CNTNAP3B: variants seen among roughly 807,000 people sequenced by gnomAD.
CNTNAP3B encodes contactin-associated protein-like 3B.
CNTNAP3B carries 25 observed loss-of-function variants against 108.9 expected under a neutral mutation model. The observed-to-expected ratio is 0.23, with a 90% CI of 0.17 to 0.32. The LOEUF (loss-of-function observed/expected upper bound fraction) is 0.32, where lower values mean the gene tolerates loss of function less well. Ranked by LOEUF, CNTNAP3B falls within the 10% of genes least tolerant of loss-of-function variation. The pLI is 1.00. For missense variants in CNTNAP3B, 252 were observed against 1,210.4 expected (o/e 0.21, Z 11.75); for synonymous variants, 103 against 473.4 (o/e 0.22, Z 10.16).
intron 9 of CNTNAP3B, among the ~76,000 whole-genome samples, chr9:41,977,641 G>A (rs1294940713): frequency 1.0e-4 from 13 of 126,870 alleles, no homozygotes; most frequent in Admixed American, 3.2e-4. Flanking sequence ...TTTTTGAGAC[G>A]GCGTCTCACT....
chr9:41,930,366 G>A (rs1823942640), intron 14 of CNTNAP3B, among the ~76,000 whole-genome samples: 3 of 152,288 alleles, frequency 2.0e-5, no homozygotes, highest in African/African-American at 7.2e-5. Context: ...AACATAGTGA[G>A]GCCCCGTCTC....
At chr9:42,103,461 C>T (rs1375711553) in intron 2 of CNTNAP3B, among the ~76,000 whole-genome samples, 6 of 117,256 alleles carry the variant, frequency 5.1e-5, no homozygotes, top group South Asian at 2.7e-4. Context: ...TACAGGCTCA[C>T]GCCTATAATC....
intron 18 of CNTNAP3B, among the ~76,000 whole-genome samples, chr9:41,915,652 C>T (rs1823496339): frequency 7.0e-6 from 1 of 142,370 alleles, no homozygotes; most frequent in Non-Finnish European, 1.5e-5. Flanking sequence ...CCTTCTATTC[C>T]TAGTTTATTG....
At chr9:41,934,198 T>TATATATACAC (rs1418666527) in intron 14 of CNTNAP3B, among the ~76,000 whole-genome samples, 1 of 116,682 alleles carries the variant, frequency 8.6e-6, no homozygotes, top group African/African-American at 2.9e-5. Flanking sequence ...CATATATATA[T>TATATATACAC]ACATACACAC....
intron 2 of CNTNAP3B, among the ~76,000 whole-genome samples, chr9:42,096,016 G>A (rs1827891287): frequency 7.2e-6 from 1 of 138,594 alleles, no homozygotes; most frequent in South Asian, 2.3e-4. Flanking sequence ...CAGACCTCAG[G>A]CAGGAACATG....
rs772673750 is a variant in CNTNAP3B, at chr9:41,953,155, C to T, written c.2080+28G>A. 3.0e-4 allele frequency: 456 copies of T among 1,506,576 alleles called. 1 individual carries two copies. In the Middle Eastern group the frequency reaches 4.5e-3, roughly 15 times the overall value. The allele number at this position is 1,506,576 out of a possible 1,614,324, so 93.3% of individuals were successfully genotyped here. A position where few individuals can be genotyped will look rare whatever the true frequency, so the allele number is the denominator to read the frequency against. On this transcript the variant is annotated intron_variant, in intron 13 of 23. Transcript: ENST00000377561. ...AGGGCCGCGCCCCGGCCTCGTGAGCCCCTGTAGCCTCCAGCAGTGGCGCTT... is the reference window on the plus strand; with the variant it reads ...AGGGCCGCGCCCCGGCCTCGTGAGCTCCTGTAGCCTCCAGCAGTGGCGCTT...
chr9:41,935,496 T>G (rs1824130268), intron 14 of CNTNAP3B, among the ~76,000 whole-genome samples: 1 of 152,290 alleles, frequency 6.6e-6, no homozygotes, highest in African/African-American at 2.4e-5. Flanking sequence ...TGTCTACACC[T>G]TAATCTAAAT....
In CNTNAP3B at chr9:41,944,379, G is replaced by A. The variant is rs1311486420; in HGVS notation, c.2081-5979C>T. ...ATTATGGCTTATGAATAAGTAAAAT[G>A]AATGATAATAATGTAATACAAAATA... On this transcript the variant is annotated intron_variant, in intron 13 of 23. Coordinates refer to ENST00000377561, the MANE Select transcript of CNTNAP3B (RefSeq NM_001201380.3). 4.7e-5 allele frequency among the ~76,000 whole-genome samples: 7 copies of A among 148,180 alleles called. No homozygotes were observed. In the East Asian group the frequency reaches 1.2e-3, roughly 25 times the overall value.
intron 6 of CNTNAP3B, among the ~76,000 whole-genome samples, chr9:41,997,362 A>C (rs1407427897): frequency 1.6e-4 from 25 of 152,218 alleles, no homozygotes; most frequent in Non-Finnish European, 2.9e-4. Context: ...CCTAACACTG[A>C]CTGTTTACTT....
At chr9:42,112,268 A>C (rs1405055184) in intron 1 of CNTNAP3B, among the ~76,000 whole-genome samples, 1 of 139,394 alleles carries the variant, frequency 7.2e-6, no homozygotes. Flanking sequence ...AAGTCTTCTC[A>C]CATGTGTGAA....
intron 10 of CNTNAP3B, among the ~76,000 whole-genome samples, chr9:41,967,404 C>T (rs1268623266): frequency 6.6e-6 from 1 of 151,238 alleles, no homozygotes; most frequent in African/African-American, 2.4e-5. Flanking sequence ...TTCTCCTTCA[C>T]CTTCTGCTAT....
chr9:41,933,710 A>G (rs1434419581), intron 14 of CNTNAP3B, among the ~76,000 whole-genome samples: 3 of 152,276 alleles, frequency 2.0e-5, no homozygotes, highest in Non-Finnish European at 4.4e-5. Flanking sequence ...ATTATCTACA[A>G]TATCTGCCAG....
intron 14 of CNTNAP3B, among the ~76,000 whole-genome samples, chr9:41,937,107 T>C (rs1824181224): frequency 1.3e-5 from 1 of 79,268 alleles, no homozygotes; most frequent in Admixed American, 1.3e-4. Context: ...CATTTTTTAT[T>C]TATTAATTTA....
rs568987578 is a variant in CNTNAP3B at position 42,105,787 on chromosome 9, T to A, written c.86-1048A>T. On this transcript the variant is annotated intron_variant, in intron 1 of 23. Transcript: ENST00000377561. ...CATAAAAAGGGTACCTCTTCCAGCA[T>A]GGTTATTGATCTAATAATGTTACAC... 4.1e-5 allele frequency among the ~76,000 whole-genome samples: 4 copies of A among 97,024 alleles called. 1 individual carries two copies. The highest frequency in any genetic ancestry group is 7.9e-5 in the African/African-American group (2 of 25,236). 63.7% of individuals were successfully genotyped at this position (97,024 alleles called of 152,430 possible). A position where few individuals can be genotyped will look rare whatever the true frequency, so the allele number is the denominator to read the frequency against.
intron 3 of CNTNAP3B, among the ~76,000 whole-genome samples, chr9:42,042,117 G>T (rs1380124528): frequency 2.8e-5 from 4 of 142,256 alleles, no homozygotes; most frequent in African/African-American, 5.5e-5. Flanking sequence ...AGCATTAGGA[G>T]ATATACCTGA....
chr9:41,935,750 T>G (rs1184072905), intron 14 of CNTNAP3B, among the ~76,000 whole-genome samples: 2 of 152,262 alleles, frequency 1.3e-5, no homozygotes, highest in East Asian at 1.9e-4. Flanking sequence ...AAAAAGCAAA[T>G]GACTCCACAA....
At chr9:42,088,874 G>A (rs1827760393) in intron 2 of CNTNAP3B, among the ~76,000 whole-genome samples, 1 of 139,746 alleles carries the variant, frequency 7.2e-6, no homozygotes, top group South Asian at 2.3e-4. Context: ...GCTTAGTGTA[G>A]CTTCTGACCT....
At chr9:42,046,121 C>G (rs1219992523) in intron 3 of CNTNAP3B, among the ~76,000 whole-genome samples, 1 of 124,222 alleles carries the variant, frequency 8.1e-6, no homozygotes, top group Non-Finnish European at 1.7e-5. Flanking sequence ...ACACAAGGAC[C>G]GGCCTGTGAG....
chr9:41,925,452 G>A (rs1371592236), intron 15 of CNTNAP3B, among the ~76,000 whole-genome samples: 1 of 152,286 alleles, frequency 6.6e-6, no homozygotes, highest in African/African-American at 2.4e-5. Context: ...AATTAGCCAG[G>A]CATGGTGGTG....
Sources: allele counts gnomAD v4.1 joint callset (sites outside exome capture counted in the v4.1 genomes callset), GRCh38; gene constraint gnomAD v4.1.1; transcripts MANE v1.5; gene names NCBI Gene and HGNC (gene_info 2026-07-23, HGNC 2026-07-21).